PCDHGC3: variants seen among roughly 807,000 people sequenced by gnomAD.
The protein encoded by PCDHGC3 is protocadherin gamma subfamily C, 3, also known as protocadherin gamma-C3.
PCDHGC3 carries 26 observed loss-of-function variants against 59.2 expected under a neutral mutation model. That is an observed-to-expected ratio of 0.44 (90% CI 0.32 to 0.61). The LOEUF is 0.61. Among genes scored for constraint, PCDHGC3 ranks in the 20% least tolerant of loss-of-function variants. The pLI is 0.05. For synonymous variants in PCDHGC3, 487 were observed against 519.7 expected (o/e 0.94, Z 0.86); for missense variants, 1,080 against 1,221.8 (o/e 0.88, Z 1.73).
Position 141,510,957 on chromosome 5 carries a change from T to C in PCDHGC3, c.2589T>C (p.Asp863=), listed in dbSNP as rs372617587. ...MILASASEAA[D]GSSTLGGGAG... ...CCTCTGTCTCTGCAGAAGCTGCTGA[T>C]GGGAGCTCCACCCTGGGAGGGGGTG... Residue 863 remains aspartate, a synonymous_variant, in exon 4 of 4, where the codon GAT becomes GAC. Transcript: ENST00000308177. 2.5e-6 allele frequency: 4 copies of C among 1,614,134 alleles called. No individual in the cohort carries two copies. The highest frequency in any genetic ancestry group is 3.4e-6 in the Non-Finnish European group (4 of 1,180,004).
rs1596259997 is a variant in PCDHGC3, at chr5:141,509,990, A to G, written c.2579-957A>G. Among the ~76,000 whole-genome samples the G allele has an allele frequency of 2.6e-5, 4 of 152,266 alleles. No individual in the cohort carries two copies. The South Asian group carries it at 8.3e-4, about 32-fold the overall frequency. ...GGTCCTTCTAACACTTGGTTCCCTC[A>G]TCTGTAAAATGAGGGTCATACCACA... is the stretch of plus-strand genomic sequence containing the variant. On this transcript the variant is annotated intron_variant, in intron 3 of 3. Transcript: ENST00000308177.
chr5:141,496,284 G>A (rs1052943936), intron 2 of PCDHGC3, among the ~76,000 whole-genome samples: 6 of 152,210 alleles, frequency 3.9e-5, no homozygotes, highest in Admixed American at 1.3e-4. Context: ...CAGTTGGTCT[G>A]AGCAGAGTGG....
At position 141,486,821 on chromosome 5, in the gene PCDHGC3, A is replaced by T. The variant is rs756652952; in HGVS notation, c.2431-7986A>T. On this transcript the variant is annotated intron_variant, in intron 1 of 3. Transcript: ENST00000308177. The surrounding 1 kb of genome is among the most constrained non-coding windows in gnomAD (Gnocchi z 5.0). ...CAACCCACCCCTTAGCAGCACTGTA[A>T]CAGTTCGTCTATTTGTGCTGGACCT... 36 of 1,614,116 alleles carry T rather than the reference A, an allele frequency of 2.2e-5. No individual in the cohort carries two copies. In the South Asian group the frequency reaches 3.4e-4, roughly 15 times the overall value.
chr5:141,510,221 C>T lies in PCDHGC3; in HGVS notation c.2579-726C>T, dbSNP rs891359580. On this transcript the variant is annotated intron_variant, in intron 3 of 3. Transcript: ENST00000308177. The stretch of plus-strand genomic sequence containing the variant: ...CCAGGAGGCAGAGGTTGCAGTGAGC[C>T]GGGATCGCGCCACTGCACTCCAGGC... Among the ~76,000 whole-genome samples, 12 of 150,616 alleles carry T rather than the reference C, an allele frequency of 8.0e-5. No homozygotes were observed. In the East Asian group the frequency reaches 1.2e-3, roughly 15 times the overall value.
In PCDHGC3 at chr5:141,489,104, A is replaced by C; in HGVS notation, c.2431-5703A>C. The stretch of plus-strand genomic sequence containing the variant: ...CCACTCGGTGACTAAGAACTGCTGC[A>C]AGCAGGCAAACCTCCGAGCAGTTTT... On this transcript the variant is annotated intron_variant, in intron 1 of 3. Coordinates refer to ENST00000308177, the MANE Select transcript of PCDHGC3 (RefSeq NM_002588.4). The surrounding 1 kb of genome is among the most constrained non-coding windows in gnomAD (Gnocchi z 4.5). 2.5e-6 allele frequency: 1 copy of C among 405,816 alleles called. No individual in the cohort carries two copies. Among genetic ancestry groups the C allele is most frequent in the Non-Finnish European group, 4.3e-6 (1 of 232,372 alleles). 25.1% of individuals were successfully genotyped at this position (405,816 alleles called of 1,614,324 possible). A position where few individuals can be genotyped will look rare whatever the true frequency, so the allele number is the denominator to read the frequency against.
Position 141,477,100 on chromosome 5 carries a change from C to T in PCDHGC3, c.984C>T (p.Gly328=), listed in dbSNP as rs970613825. Reference sequence around the variant, plus strand: ...TTTACATCCAGGCCAAAGACAAGGGCGCCAATCCCGAAGGAGCACATTGCA... The same window carrying T: ...TTTACATCCAGGCCAAAGACAAGGGTGCCAATCCCGAAGGAGCACATTGCA... ...HEIYIQAKDK[G]ANPEGAHCKV... The change falls in exon 1 of 4, where the codon GGC becomes GGT. Residue 328 remains glycine (G), a synonymous_variant. Transcript: ENST00000308177. The surrounding 1 kb of genome is among the most constrained non-coding windows in gnomAD (Gnocchi z 4.9). 1 of 1,614,098 alleles carries T rather than the reference C, an allele frequency of 6.2e-7. No homozygotes were observed. Among genetic ancestry groups the T allele is most frequent in the African/African-American group, 1.3e-5 (1 of 74,932 alleles).
chr5:141,504,158 T>G (rs890874880), intron 2 of PCDHGC3, among the ~76,000 whole-genome samples: 1 of 152,222 alleles, frequency 6.6e-6, no homozygotes, highest in Non-Finnish European at 1.5e-5. Context: ...TGAAATAATT[T>G]CATCCTTGGA....
At position 141,486,001 on chromosome 5, in the gene PCDHGC3, C is replaced by G. The variant is rs771993915; in HGVS notation, c.2430+7455C>G. 6.2e-7 allele frequency: 1 copy of G among 1,614,194 alleles called. No homozygotes were observed. Among genetic ancestry groups the G allele is most frequent in the Non-Finnish European group, 8.5e-7 (1 of 1,180,024 alleles). On this transcript the variant is annotated intron_variant, in intron 1 of 3. Transcript: ENST00000308177. The surrounding 1 kb of genome is among the most constrained non-coding windows in gnomAD (Gnocchi z 5.0). ...ACCCGGACCTGGGTCCCAGTGGTAACGTCACCTTTTATTTCAGTGGTCATA... is the reference window on the plus strand; with the variant it reads ...ACCCGGACCTGGGTCCCAGTGGTAAGGTCACCTTTTATTTCAGTGGTCATA...
chr5:141,475,980 C>T lies in PCDHGC3; in HGVS notation c.-137C>T, dbSNP rs758066578. ...CGGGATGAGGCAGAGACTGAACAGCCGGCGAGCAAATCAACGGCATCCAGA... is the reference window on the plus strand; with the variant it reads ...CGGGATGAGGCAGAGACTGAACAGCTGGCGAGCAAATCAACGGCATCCAGA... On this transcript the variant is annotated 5_prime_UTR_variant, in exon 1 of 4. Transcript: ENST00000308177. 4.4e-5 allele frequency: 45 copies of T among 1,028,498 alleles called. No individual in the cohort carries two copies. Among genetic ancestry groups the T allele is most frequent in the Non-Finnish European group, 6.2e-5 (44 of 708,936 alleles). The allele number at this position is 1,028,498 out of a possible 1,614,324, so 63.7% of individuals were successfully genotyped here.
rs760319541 is a variant in PCDHGC3, at chr5:141,477,772, C to T, written c.1656C>T (p.Ser552=). 1.2e-6 allele frequency: 2 copies of T among 1,614,026 alleles called. No homozygotes were observed. Among genetic ancestry groups the T allele is most frequent in the South Asian group, 1.1e-5 (1 of 91,088 alleles). ...CCCCGGTCCTAGCCACCAACATCAGCGTGAACATATTTGTCACTGATCGCA... is the reference window on the plus strand; with the variant it reads ...CCCCGGTCCTAGCCACCAACATCAGTGTGAACATATTTGTCACTGATCGCA... ...GGTPVLATNI[S]VNIFVTDRND... Residue 552 remains serine, a synonymous_variant, in exon 1 of 4, where the codon AGC becomes AGT. Coordinates refer to ENST00000308177, the MANE Select transcript of PCDHGC3 (RefSeq NM_002588.4). This position sits in a 1 kb window ranked among gnomAD's most constrained non-coding sequence, Gnocchi z 4.9.
At position 141,489,181 on chromosome 5, in the gene PCDHGC3, T is replaced by C; in HGVS notation, c.2431-5626T>C. The C allele has an allele frequency of 1.6e-6, 2 of 1,259,546 alleles. No homozygotes were observed. The highest frequency in any genetic ancestry group is 2.2e-6 in the Non-Finnish European group (2 of 905,040). The allele number at this position is 1,259,546 out of a possible 1,614,324, so 78.0% of individuals were successfully genotyped here. ...ACTTCAGCTGCTGCATTCCAAGCCC[T>C]GGGTCTACCTTGGAGACAGGACAGC... On this transcript the variant is annotated intron_variant, in intron 1 of 3. Transcript: ENST00000308177. This position sits in a 1 kb window ranked among gnomAD's most constrained non-coding sequence, Gnocchi z 4.5.
In PCDHGC3 at chr5:141,490,889, T is replaced by G. The variant is rs568838001; in HGVS notation, c.2431-3918T>G. The G allele has an allele frequency of 6.2e-7, 1 of 1,613,406 alleles. No homozygotes were observed. Among genetic ancestry groups the G allele is most frequent in the Non-Finnish European group, 8.5e-7 (1 of 1,179,428 alleles). ...CCCCCATTGCATGCCAACACATCTCTGCATGTGTTTGTCCTAGACGAGAAT... is the reference window on the plus strand; with the variant it reads ...CCCCCATTGCATGCCAACACATCTCGGCATGTGTTTGTCCTAGACGAGAAT... On this transcript the variant is annotated intron_variant, in intron 1 of 3. Coordinates refer to ENST00000308177, the MANE Select transcript of PCDHGC3 (RefSeq NM_002588.4). This position sits in a 1 kb window ranked among gnomAD's most constrained non-coding sequence, Gnocchi z 5.4.
chr5:141,477,988 C>T lies in PCDHGC3; in HGVS notation c.1872C>T (p.His624=), dbSNP rs771241128. The T allele has an allele frequency of 6.2e-7, 1 of 1,614,160 alleles. No individual in the cohort carries two copies. Among genetic ancestry groups the T allele is most frequent in the Non-Finnish European group, 8.5e-7 (1 of 1,180,032 alleles). The change falls in exon 1 of 4, where the codon CAC becomes CAT. Residue 624 remains histidine (H), a synonymous_variant. Coordinates refer to ENST00000308177, the MANE Select transcript of PCDHGC3 (RefSeq NM_002588.4). This position sits in a 1 kb window ranked among gnomAD's most constrained non-coding sequence, Gnocchi z 4.9. ...PNQSLFAIGL[H]TGQISTARPV... ...AGAGCCTTTTTGCCATAGGGCTGCA[C>T]ACTGGTCAAATCAGTACTGCCCGTC...
rs2099749632 is a variant in PCDHGC3, at chr5:141,493,698, C to T, written c.2431-1109C>T. The stretch of plus-strand genomic sequence containing the variant: ...AGAATGGTGCTGGTGACTCCCGATA[C>T]ACCTGGAATGCTAGGTTTCTGGGTT... On this transcript the variant is annotated intron_variant, in intron 1 of 3. Transcript: ENST00000308177. This position sits in a 1 kb window ranked among gnomAD's most constrained non-coding sequence, Gnocchi z 4.3. Among the ~76,000 whole-genome samples the T allele has an allele frequency of 6.6e-6, 1 of 152,208 alleles. No individual in the cohort carries two copies. Among genetic ancestry groups the T allele is most frequent in the Non-Finnish European group, 1.5e-5 (1 of 68,034 alleles).
chr5:141,494,441 C>T (rs1187169994), intron 1 of PCDHGC3, among the ~76,000 whole-genome samples: 2 of 152,154 alleles, frequency 1.3e-5, no homozygotes, highest in African/African-American at 4.8e-5. Context: ...TCCTTTGCCA[C>T]TTTAGGGGGC....
At chr5:141,502,056 C>A (rs1163976282) in intron 2 of PCDHGC3, among the ~76,000 whole-genome samples, 1 of 152,116 alleles carries the variant, frequency 6.6e-6, no homozygotes, top group Non-Finnish European at 1.5e-5. Context: ...CTACTTTATT[C>A]CCATTAGCCC....
Position 141,476,176 on chromosome 5 carries a change from G to C in PCDHGC3, c.60G>C (p.Leu20Phe), listed in dbSNP as rs778169270. 1 of 1,613,530 alleles carries C rather than the reference G, an allele frequency of 6.2e-7. No homozygotes were observed. The highest frequency in any genetic ancestry group is 8.5e-7 in the Non-Finnish European group (1 of 1,180,006). Residue 20 changes from leucine to phenylalanine, a missense_variant, in exon 1 of 4, where the codon TTG (leucine) becomes TTC (phenylalanine). Transcript: ENST00000308177. The surrounding 1 kb of genome is among the most constrained non-coding windows in gnomAD (Gnocchi z 7.6). The part of the protein sequence containing the change: ...LVSTGRVVGV[L>F]LLLGALNKAS... ...GCACCGGGAGGGTAGTGGGAGTTTT[G>C]CTTCTGCTTGGTGCCTTGAACAAGG...
chr5:141,477,992 G>T lies in PCDHGC3; in HGVS notation c.1876G>T (p.Gly626Cys). The T allele has an allele frequency of 6.2e-7, 1 of 1,614,108 alleles. No individual in the cohort carries two copies. Among genetic ancestry groups the T allele is most frequent in the Non-Finnish European group, 8.5e-7 (1 of 1,180,024 alleles). Residue 626 changes from glycine to cysteine, a missense_variant, in exon 1 of 4, where the codon GGT becomes TGT. Transcript: ENST00000308177. The surrounding 1 kb of genome is among the most constrained non-coding windows in gnomAD (Gnocchi z 4.9). Reference sequence around the variant, plus strand: ...CCTTTTTGCCATAGGGCTGCACACTGGTCAAATCAGTACTGCCCGTCCAGT... The same window carrying T: ...CCTTTTTGCCATAGGGCTGCACACTTGTCAAATCAGTACTGCCCGTCCAGT... ...QSLFAIGLHT[G>C]QISTARPVQD...
In PCDHGC3 at chr5:141,505,496, T is replaced by C; in HGVS notation, c.2578+15T>C. 6.2e-7 allele frequency: 1 copy of C among 1,614,148 alleles called. No homozygotes were observed. The highest frequency in any genetic ancestry group is 8.5e-7 in the Non-Finnish European group (1 of 1,180,004). ...GTCCGCCAGTGGTAAGTGGTGTCAGTGTGTGTATGGAAGAGTGGGAGACCT... is the reference window on the plus strand; with the variant it reads ...GTCCGCCAGTGGTAAGTGGTGTCAGCGTGTGTATGGAAGAGTGGGAGACCT... On this transcript the variant is annotated intron_variant, in intron 3 of 3. Transcript: ENST00000308177.
Sources: allele counts gnomAD v4.1 joint callset (sites outside exome capture counted in the v4.1 genomes callset), GRCh38; gene constraint gnomAD v4.1.1; non-coding constraint Gnocchi (gnomAD v3.1); transcripts MANE v1.5; gene names NCBI Gene and HGNC (gene_info 2026-07-23, HGNC 2026-07-21).